BTG4: variants seen among roughly 807,000 people sequenced by gnomAD.
BTG4 encodes the protein BTG anti-proliferation factor 4.
A neutral mutation model predicts 19.3 loss-of-function variants in BTG4; 10 were observed. That is an observed-to-expected ratio of 0.52 (90% CI 0.32 to 0.88). The LOEUF (loss-of-function observed/expected upper bound fraction) is 0.88. BTG4 is among the 40% of genes least tolerant of loss of function. The pLI, the probability that BTG4 is intolerant of heterozygous loss-of-function variation, is 0.04. For synonymous variants in BTG4, 91 were observed against 95.7 expected (o/e 0.95, Z 0.29); for missense variants, 238 against 281.9 (o/e 0.84, Z 1.11).
At chr11:111,474,048 T>G (rs575821419) in intron 5 of BTG4, among the ~76,000 whole-genome samples, 11 of 152,174 alleles carry the variant, frequency 7.2e-5, no homozygotes, top group Non-Finnish European at 1.5e-4. Flanking sequence ...AAAGTCTTCA[T>G]CTTCCCCATG....
chr11:111,512,125 A>G (rs1866984555), intron 1 of BTG4, 56 bp downstream of exon 1: 1 of 152,188 alleles, frequency 6.6e-6, no homozygotes, highest in Non-Finnish European at 1.5e-5. Context: ...CCCATATGTC[A>G]GAGGCTACCC....
the BTG4 span, among the ~76,000 whole-genome samples, chr11:111,387,848 T>C: frequency 0.034 from 5,122 of 152,266 alleles, 121 homozygotes; most frequent in Middle Eastern, 0.14. Context: ...GCTATTCTAC[T>C]CACCATGTGG....
chr11:111,504,378 CAAAA>C, intron 1 of BTG4, among the ~76,000 whole-genome samples: 1 of 152,166 alleles, frequency 6.6e-6, no homozygotes, highest in South Asian at 2.1e-4. Flanking sequence ...GATTTGAACT[CAAAA>C]GAAATTAATT....
At chr11:111,460,584 G>A in the BTG4 span, among the ~76,000 whole-genome samples, 4 of 152,050 alleles carry the variant, frequency 2.6e-5, no homozygotes, top group Non-Finnish European at 4.4e-5. Context: ...ACACACACAG[G>A]AGAGCTCAAG....
intron 5 of BTG4, chr11:111,469,690 C>G (rs766719100): frequency 6.6e-6 from 1 of 152,626 alleles, no homozygotes; most frequent in Non-Finnish European, 1.5e-5. Context: ...AACTCTCAAG[C>G]CCCATTTTTC....
At chr11:111,410,026 T>A in the BTG4 span, among the ~76,000 whole-genome samples, 4 of 152,232 alleles carry the variant, frequency 2.6e-5, no homozygotes, top group African/African-American at 9.6e-5. Context: ...CAGATCTCCC[T>A]ACTCCAAGTC....
chr11:111,454,211 T>C, the BTG4 span: 1 of 441,042 alleles, frequency 2.3e-6, no homozygotes, highest in South Asian at 1.7e-5. Context: ...AGGAGGATAA[T>C]CCTTCTTCCC....
chr11:111,466,202 G>A (rs2135509617), downstream of BTG4, among the ~76,000 whole-genome samples: 1 of 152,074 alleles, frequency 6.6e-6, no homozygotes, highest in African/African-American at 2.4e-5. Context: ...ATAGAACCTG[G>A]GCCAGAACAC....
At chr11:111,404,459 G>T in the BTG4 span, among the ~76,000 whole-genome samples, 1 of 152,196 alleles carries the variant, frequency 6.6e-6, no homozygotes, top group Non-Finnish European at 1.5e-5. Context: ...CTAAGCATCT[G>T]TGGTTAGGAA....
At chr11:111,510,092 A>G (rs941088850) in intron 1 of BTG4, among the ~76,000 whole-genome samples, 23 of 151,476 alleles carry the variant, frequency 1.5e-4, no homozygotes, top group Admixed American at 1.4e-3. Flanking sequence ...TTGTATTTTT[A>G]GTAGAGACAG....
chr11:111,467,744 C>G (rs1224114386), intron 5 of BTG4: 4 of 736,556 alleles, frequency 5.4e-6, no homozygotes, highest in Non-Finnish European at 7.4e-6. Flanking sequence ...TTCCTAAAAT[C>G]CTGACATATT....
intron 4 of BTG4, 110 bp downstream of exon 4, chr11:111,497,101 T>C: frequency 9.1e-7 from 1 of 1,104,526 alleles, no homozygotes; most frequent in Non-Finnish European, 1.3e-6. Flanking sequence ...TTTAAAAATC[T>C]ACAGTTTTGT....
intron 1 of BTG4, among the ~76,000 whole-genome samples, chr11:111,501,879 TTTAA>T (rs1458801057): frequency 2.0e-5 from 3 of 152,330 alleles, no homozygotes; most frequent in East Asian, 1.9e-4. Context: ...TGATTTAAGA[TTTAA>T]TTAAGATTAA....
chr11:111,410,758 T>C, the BTG4 span, among the ~76,000 whole-genome samples: 2 of 152,336 alleles, frequency 1.3e-5, no homozygotes, highest in African/African-American at 2.4e-5. Context: ...TGTCTACTGA[T>C]TTTCCAGTAA....
intron 1 of BTG4, 141 bp from the exon 2 acceptor site, chr11:111,498,943 G>A (rs983801129): frequency 8.6e-6 from 5 of 579,436 alleles, no homozygotes; most frequent in African/African-American, 1.9e-5. Flanking sequence ...TAGTAAACTA[G>A]GTAAGTACAT....
the BTG4 span, among the ~76,000 whole-genome samples, chr11:111,402,663 G>T: frequency 6.6e-6 from 1 of 152,140 alleles, no homozygotes; most frequent in Non-Finnish European, 1.5e-5. Context: ...TCCTCTCAGG[G>T]TTAGTGTGTA....
chr11:111,458,923 A>G, the BTG4 span, among the ~76,000 whole-genome samples: 2 of 152,200 alleles, frequency 1.3e-5, no homozygotes, highest in Non-Finnish European at 2.9e-5. Context: ...CCACTGTTTT[A>G]CCATCTTTTA....
At chr11:111,465,165 C>A (rs988244973), downstream of BTG4, among the ~76,000 whole-genome samples, 1 of 152,150 alleles carries the variant, frequency 6.6e-6, no homozygotes, top group African/African-American at 2.4e-5. Context: ...AGAGCCAGGT[C>A]CGTTTCAACT....
the BTG4 span, among the ~76,000 whole-genome samples, chr11:111,442,653 C>A: frequency 1 from 151,882 of 151,882 alleles, 75,941 homozygotes; most frequent in Non-Finnish European, 1. Flanking sequence ...CAAAGGACCC[C>A]GTAGCCCACT....
Sources: gnomAD v4.1 joint callset for allele counts (sites outside exome capture counted in the v4.1 genomes callset) on GRCh38, gnomAD v4.1.1 for gene constraint, MANE v1.5 for transcripts, NCBI Gene and HGNC (gene_info 2026-07-23, HGNC 2026-07-21) for gene names.